Variants in ITPA observed in about 807,000 individuals in gnomAD.
The protein encoded by ITPA is inosine triphosphatase.
Under a neutral mutation model 29.6 loss-of-function variants are expected in ITPA, and 29 were observed. The ratio of observed to expected loss-of-function variants is 0.98; its 90% CI spans 0.73 to 1.34. The LOEUF is 1.34. Ranked by LOEUF, ITPA falls within the 40% of genes most tolerant of loss-of-function variation. ITPA has a pLI of 0.00. For missense variants in ITPA, 241 were observed against 251.5 expected (o/e 0.96, Z 0.28); for synonymous variants, 103 against 99.3 (o/e 1.04, Z -0.22).
upstream of ITPA, among the ~76,000 whole-genome samples, chr20:3,207,400 A>T (rs991529808): frequency 6.6e-6 from 1 of 152,126 alleles, no homozygotes; most frequent in Non-Finnish European, 1.5e-5. Context: ...GGGATTTAAG[A>T]ATGAGAGGTG....
At chr20:3,216,303 G>T (rs1295765000) in intron 5 of ITPA, among the ~76,000 whole-genome samples, 1 of 151,462 alleles carries the variant, frequency 6.6e-6, no homozygotes, top group East Asian at 1.9e-4. Flanking sequence ...GGGACTACAG[G>T]CACGTGCCAC....
chr20:3,224,436 G>A (rs917282282), downstream of ITPA, among the ~76,000 whole-genome samples: 10 of 152,186 alleles, frequency 6.6e-5, no homozygotes, highest in African/African-American at 2.4e-4. Context: ...AGGCTGGTGG[G>A]GCACCCCCAG....
At chr20:3,213,120 A>G (rs1477478883) in intron 1 of ITPA, 49 bp from the exon 2 acceptor site, 10 of 1,560,324 alleles carry the variant, frequency 6.4e-6, no homozygotes, top group South Asian at 1.1e-5. Flanking sequence ...ACGTGCTCAC[A>G]TGGAGAATCA....
chr20:3,206,962 C>T (rs374522512), upstream of ITPA, among the ~76,000 whole-genome samples: 5 of 151,870 alleles, frequency 3.3e-5, no homozygotes, highest in East Asian at 3.9e-4. Flanking sequence ...TGCAGTGAGC[C>T]GGGACCACAC....
At chr20:3,209,050 T>G, upstream of ITPA, 1 of 194,552 alleles carries the variant, frequency 5.1e-6, no homozygotes, top group Non-Finnish European at 1.1e-5. The surrounding 1 kb of genome is among the most constrained non-coding windows in gnomAD (Gnocchi z 4.6). Context: ...AGTTTGGGCT[T>G]GTTTTAGGCT....
At chr20:3,216,823 G>T (rs6115817) in intron 5 of ITPA, among the ~76,000 whole-genome samples, 1 of 152,186 alleles carries the variant, frequency 6.6e-6, no homozygotes, top group South Asian at 2.1e-4. Flanking sequence ...CCTGACCTCA[G>T]GTGGTCCCAC....
intron 2 of ITPA, 32 bp from the exon 3 acceptor site, chr20:3,213,287 C>G (rs2067215467): frequency 6.2e-7 from 1 of 1,614,002 alleles, no homozygotes; most frequent in African/African-American, 1.3e-5. Flanking sequence ...TTCCTGTGAC[C>G]TGACTTTCTG....
chr20:3,204,418 G>T, upstream of ITPA: 1 of 1,008,720 alleles, frequency 9.9e-7, no homozygotes, highest in Non-Finnish European at 1.4e-6. Context: ...GCGCACGGAC[G>T]CGCATGCGTC....
At chr20:3,204,860 G>GTT (rs534458208), upstream of ITPA, among the ~76,000 whole-genome samples, 1 of 147,666 alleles carries the variant, frequency 6.8e-6, no homozygotes, top group African/African-American at 2.5e-5. Flanking sequence ...ATCTATGTAT[G>GTT]TTTTTTTTTT....
At chr20:3,204,460 G>A (rs2067056706), upstream of ITPA, 15 of 1,429,902 alleles carry the variant, frequency 1.0e-5, no homozygotes, top group African/African-American at 1.4e-5. Context: ...CGCAGGAGCC[G>A]CGGCGCGACG....
intron 6 of ITPA, chr20:3,218,852 C>T (rs1174901361): frequency 1.6e-5 from 10 of 607,104 alleles, no homozygotes; most frequent in East Asian, 1.4e-4. Flanking sequence ...TAGTTGCCTA[C>T]GCCTTGCTGA....
chr20:3,204,754 G>A (rs2067059278), upstream of ITPA: 60 of 869,562 alleles, frequency 6.9e-5, 1 homozygote, highest in South Asian at 1.0e-3. Flanking sequence ...ATCACAGAGA[G>A]GCTTTAATGT....
chr20:3,217,161 A>G (rs905057479), intron 5 of ITPA, among the ~76,000 whole-genome samples: 48 of 152,336 alleles, frequency 3.2e-4, no homozygotes, highest in African/African-American at 1.1e-3. Context: ...GATTACAGGC[A>G]TGAGTTACCG....
chr20:3,224,204 C>T (rs1455642769), downstream of ITPA, among the ~76,000 whole-genome samples: 2 of 152,166 alleles, frequency 1.3e-5, no homozygotes, highest in Non-Finnish European at 2.9e-5. Context: ...TTACAATGGC[C>T]AGTTCATTTT....
At chr20:3,208,095 A>G (rs1320921973), upstream of ITPA, among the ~76,000 whole-genome samples, 1 of 152,066 alleles carries the variant, frequency 6.6e-6, no homozygotes, top group African/African-American at 2.4e-5. Context: ...ACAAATGAAT[A>G]TCTATTTGCA....
downstream of ITPA, among the ~76,000 whole-genome samples, chr20:3,225,529 G>C (rs992138703): frequency 1.3e-5 from 2 of 152,136 alleles, no homozygotes; most frequent in East Asian, 1.9e-4. Flanking sequence ...CCGACCATGT[G>C]GGGGTTCCTG....
At chr20:3,216,929 A>G (rs6084307) in intron 5 of ITPA, among the ~76,000 whole-genome samples, 17,769 of 151,482 alleles carry the variant, frequency 0.12, 1,308 homozygotes, top group Non-Finnish European at 0.16. Flanking sequence ...CGCCCAGGCT[A>G]GAGTGCAGTG....
Position 3,215,280 on chromosome 20 carries a change from G to C in ITPA, c.264-1G>C, listed in dbSNP as rs781254071. ...CTGACTGTCCTTTCTTTCTCTTGCA[G>C]AAAGTGGTTTCTGGAGAAGTTAAAG... On this transcript the variant is annotated splice_acceptor_variant, in intron 4 of 7. Transcript: ENST00000380113. LOFTEE classifies it high-confidence loss of function. The C allele has an allele frequency of 1.9e-6, 3 of 1,613,880 alleles. No homozygotes were observed. Among genetic ancestry groups the C allele is most frequent in the African/African-American group, 1.3e-5 (1 of 74,928 alleles).
chr20:3,207,317 C>T (rs935048375), upstream of ITPA, among the ~76,000 whole-genome samples: 6 of 152,268 alleles, frequency 3.9e-5, no homozygotes, highest in Admixed American at 3.3e-4. Flanking sequence ...TCTTGAACTC[C>T]TGGGATCAAG....
Sources: allele counts gnomAD v4.1 joint callset (sites outside exome capture counted in the v4.1 genomes callset), GRCh38; gene constraint gnomAD v4.1.1; non-coding constraint Gnocchi (gnomAD v3.1); transcripts MANE v1.5; gene names NCBI Gene and HGNC (gene_info 2026-07-23, HGNC 2026-07-21).